Variants in IFT56 observed in about 807,000 individuals in gnomAD.
IFT56 encodes intraflagellar transport 56, also known as intraflagellar transport protein 56.
At chr7:139,160,923 T>G in the IFT56 span, 1 of 1,594,338 alleles carries the variant, frequency 6.3e-7, no homozygotes, top group Non-Finnish European at 8.6e-7. Context: ...GTCATTTTCA[T>G]AAGCCTTTCT....
At chr7:139,156,011 C>T in the IFT56 span, among the ~76,000 whole-genome samples, 1 of 152,142 alleles carries the variant, frequency 6.6e-6, no homozygotes, top group Admixed American at 6.5e-5. Context: ...TTAAGTCTTT[C>T]AATCTGTGCA....
the IFT56 span, among the ~76,000 whole-genome samples, chr7:139,171,749 T>C: frequency 6.6e-6 from 1 of 152,152 alleles, no homozygotes; most frequent in African/African-American, 2.4e-5. Flanking sequence ...CAAGAAAACA[T>C]TGGGGAAACT....
At chr7:139,177,947 G>A in the IFT56 span, among the ~76,000 whole-genome samples, 1 of 151,970 alleles carries the variant, frequency 6.6e-6, no homozygotes, top group Admixed American at 6.6e-5. Flanking sequence ...AAATGACCTG[G>A]GTAATGTCGT....
chr7:139,187,325 G>T, the IFT56 span: 1 of 1,534,828 alleles, frequency 6.5e-7, no homozygotes, highest in Non-Finnish European at 8.9e-7. Flanking sequence ...ATACAGTCCC[G>T]TTTCATGTTA....
chr7:139,147,265 T>C, the IFT56 span: 1 of 1,612,530 alleles, frequency 6.2e-7, no homozygotes. Flanking sequence ...TATAGATATA[T>C]ATAAGCGAAT....
chr7:139,173,125 G>A, the IFT56 span: 1 of 687,602 alleles, frequency 1.5e-6, no homozygotes, highest in Non-Finnish European at 2.7e-6. Context: ...CTGTGGCATG[G>A]ATGGATTCAA....
At chr7:139,178,433 G>A in the IFT56 span, 7 of 1,472,580 alleles carry the variant, frequency 4.8e-6, no homozygotes, top group Non-Finnish European at 6.6e-6. Flanking sequence ...CTTAAGGTTA[G>A]TTTTGTGTTT....
chr7:139,146,062 G>A, the IFT56 span, among the ~76,000 whole-genome samples: 2 of 151,924 alleles, frequency 1.3e-5, no homozygotes, highest in Non-Finnish European at 2.9e-5. Flanking sequence ...TTGTATCATA[G>A]TATATATTCT....
At chr7:139,189,468 T>C in the IFT56 span, 1 of 1,416,534 alleles carries the variant, frequency 7.1e-7, no homozygotes, top group African/African-American at 1.4e-5. Flanking sequence ...GCTTCTACTT[T>C]GACATAAAAC....
At chr7:139,148,279 G>T in the IFT56 span, 9 of 1,614,010 alleles carry the variant, frequency 5.6e-6, no homozygotes, top group Non-Finnish European at 7.6e-6. Context: ...GTCTCAAGAA[G>T]TTTTGGCTGT....
chr7:139,160,824 G>C, the IFT56 span: 24 of 631,152 alleles, frequency 3.8e-5, no homozygotes, highest in Admixed American at 3.2e-4. Context: ...CATTGACCTA[G>C]AGTCATGAGG....
the IFT56 span, among the ~76,000 whole-genome samples, chr7:139,147,720 C>T: frequency 4.6e-5 from 7 of 152,150 alleles, no homozygotes; most frequent in Non-Finnish European, 1.0e-4. Context: ...ATAGTTACAT[C>T]GTAGGTAACT....
the IFT56 span, among the ~76,000 whole-genome samples, chr7:139,160,464 T>G: frequency 6.6e-6 from 1 of 150,594 alleles, no homozygotes. Flanking sequence ...ACAGTCTTGC[T>G]CTGTCGCCAG....
chr7:139,167,018 A>T, the IFT56 span: 1 of 570,516 alleles, frequency 1.8e-6, no homozygotes, highest in Non-Finnish European at 3.2e-6. Context: ...TCCCAGGAAA[A>T]GACCATATGT....
At chr7:139,160,654 T>C in the IFT56 span, among the ~76,000 whole-genome samples, 1 of 152,290 alleles carries the variant, frequency 6.6e-6, no homozygotes, top group Middle Eastern at 3.4e-3. Flanking sequence ...GGAAACATGG[T>C]CTCGATCTGT....
chr7:139,164,575 C>T, the IFT56 span, among the ~76,000 whole-genome samples: 15 of 152,082 alleles, frequency 9.9e-5, 1 homozygote, highest in East Asian at 2.3e-3. Context: ...TAATTTAGAT[C>T]ACGGCTTTCT....
the IFT56 span, chr7:139,161,222 A>G: frequency 2.1e-6 from 1 of 483,050 alleles, no homozygotes; most frequent in Non-Finnish European, 3.6e-6. Context: ...GAACAGGAAT[A>G]TATTTAATAT....
At chr7:139,142,264 A>G in the IFT56 span, 3 of 1,614,126 alleles carry the variant, frequency 1.9e-6, no homozygotes, top group East Asian at 2.2e-5. Flanking sequence ...AGCTTCAAAA[A>G]GCCGACTCCA....
At chr7:139,162,306 A>T in the IFT56 span, among the ~76,000 whole-genome samples, 4 of 152,184 alleles carry the variant, frequency 2.6e-5, no homozygotes, top group African/African-American at 9.7e-5. Flanking sequence ...TATTTTTTTT[A>T]AAGCATCCCA....
Sources: gnomAD v4.1 joint callset for allele counts (sites outside exome capture counted in the v4.1 genomes callset) on GRCh38, gnomAD v4.1.1 for gene constraint, MANE v1.5 for transcripts, NCBI Gene and HGNC (gene_info 2026-07-23, HGNC 2026-07-21) for gene names.